Variants in CNOT1 observed in about 807,000 individuals in gnomAD.
CNOT1 encodes the protein CCR4-NOT transcription complex subunit 1, also known as CCR4-associated factor 1.
CNOT1 carries 15 observed loss-of-function variants against 273.8 expected under a neutral mutation model. The observed-to-expected ratio is 0.05, with a 90% CI of 0.04 to 0.08. CNOT1 has a LOEUF of 0.08. Among genes scored for constraint, CNOT1 ranks in the 10% least tolerant of loss-of-function variants. The pLI is 1.00. For missense variants in CNOT1, 1,644 were observed against 2,912.2 expected, an observed-to-expected ratio of 0.56 and a Z score of 10.02; for synonymous variants, 1,022 against 1,005.5, an observed-to-expected ratio of 1.02 and a Z score of -0.31.
At chr16:58,587,166 C>T in intron 6 of CNOT1, 35 bp downstream of exon 6, 1 of 1,604,776 alleles carries the variant, frequency 6.2e-7, no homozygotes, top group East Asian at 2.2e-5. Context: ...ATTTTAAAGT[C>T]TCACTTCGTG....
chr16:58,538,591 G>C (rs572999753), intron 36 of CNOT1, among the ~76,000 whole-genome samples, 181 bp downstream of exon 36: 7 of 152,250 alleles, frequency 4.6e-5, no homozygotes, highest in Admixed American at 4.6e-4. Flanking sequence ...CCAACATGGG[G>C]AGAAGGTAGA....
At chr16:58,546,063 C>G (rs946899612) in intron 29 of CNOT1, among the ~76,000 whole-genome samples, 1 of 152,096 alleles carries the variant, frequency 6.6e-6, no homozygotes, top group Non-Finnish European at 1.5e-5. Context: ...ATAACCTGGC[C>G]TAGCTGGGGT....
At chr16:58,529,235 A>G (rs955054652) in intron 43 of CNOT1, among the ~76,000 whole-genome samples, 3 of 152,188 alleles carry the variant, frequency 2.0e-5, no homozygotes, top group Non-Finnish European at 2.9e-5. Flanking sequence ...TGAGACACGC[A>G]AAGATTTCCT....
chr16:58,550,686 AACAGGATTTGGCTACAT>A (rs2040420090), intron 24 of CNOT1, among the ~76,000 whole-genome samples: 2 of 152,194 alleles, frequency 1.3e-5, no homozygotes, highest in African/African-American at 4.8e-5. Flanking sequence ...AAAAAGTTAT[AACAGGATTTGGCTACAT>A]ACAGGATTGG....
intron 38 of CNOT1, among the ~76,000 whole-genome samples, chr16:58,537,500 C>T (rs541419970): frequency 2.6e-5 from 4 of 152,302 alleles, no homozygotes; most frequent in African/African-American, 7.2e-5. Context: ...TCACTGTTTG[C>T]CTACTATGTA....
chr16:58,611,422 C>A (rs528631669), intron 1 of CNOT1, among the ~76,000 whole-genome samples: 106 of 151,692 alleles, frequency 7.0e-4, no homozygotes, highest in Non-Finnish European at 1.4e-3. Flanking sequence ...GAGCGAGACT[C>A]CATCTCCAAA....
intron 1 of CNOT1, among the ~76,000 whole-genome samples, chr16:58,604,983 A>C (rs1404267499): frequency 6.6e-6 from 1 of 150,632 alleles, no homozygotes; most frequent in Non-Finnish European, 1.5e-5. Flanking sequence ...AAAAATACAA[A>C]AAAGTAGCTG....
Position 58,558,435 on chromosome 16 carries a change from T to C in CNOT1, c.2332+38A>G, listed in dbSNP as rs144630045. On this transcript the variant is annotated intron_variant, in intron 18 of 48. Coordinates refer to ENST00000317147, the MANE Select transcript of CNOT1 (RefSeq NM_016284.5). ...ACACTAAGGCATAACTAAGGCAAAC[T>C]TATGAATAATCCATGCTCTCATTTG... 10 of 1,611,502 alleles carry C rather than the reference T, an allele frequency of 6.2e-6. No homozygotes were observed. In the African/African-American group the frequency reaches 1.2e-4, roughly 19 times the overall value.
intron 21 of CNOT1, among the ~76,000 whole-genome samples, chr16:58,554,770 T>C (rs2040573370): frequency 6.6e-6 from 1 of 151,586 alleles, no homozygotes; most frequent in Non-Finnish European, 1.5e-5. Flanking sequence ...ACCCTGTCTC[T>C]ACTAAAAATA....
intron 25 of CNOT1, chr16:58,548,489 C>T (rs377679537): frequency 4.1e-5 from 21 of 512,790 alleles, no homozygotes; most frequent in South Asian, 2.0e-4. Flanking sequence ...ATAATAAAAA[C>T]GAAATAGAGC....
At chr16:58,557,118 C>A in intron 18 of CNOT1, 125 bp from the exon 19 acceptor site, 4 of 1,292,048 alleles carry the variant, frequency 3.1e-6, no homozygotes, top group Non-Finnish European at 4.1e-6. Flanking sequence ...CTTTAAAAGT[C>A]AGAGTCTTTG....
intron 24 of CNOT1, 143 bp from the exon 25 acceptor site, chr16:58,550,041 G>C: frequency 7.7e-7 from 1 of 1,292,122 alleles, no homozygotes; most frequent in Non-Finnish European, 1.0e-6. Context: ...ACACCAGATA[G>C]ATGCTATGAA....
intron 1 of CNOT1, among the ~76,000 whole-genome samples, chr16:58,608,325 A>G (rs969536809): frequency 2.6e-5 from 4 of 152,094 alleles, no homozygotes; most frequent in Non-Finnish European, 4.4e-5. Context: ...GAGACCAAAG[A>G]AGGCAGATAA....
At chr16:58,523,160 G>A (rs1006058236) in intron 47 of CNOT1, 25 of 346,084 alleles carry the variant, frequency 7.2e-5, no homozygotes, top group African/African-American at 4.4e-4. Flanking sequence ...CACGAGAATC[G>A]CTTGAACCTG....
intron 16 of CNOT1, 115 bp downstream of exon 16, chr16:58,574,494 A>G: frequency 1.9e-6 from 2 of 1,027,072 alleles, no homozygotes; most frequent in Non-Finnish European, 2.7e-6. Flanking sequence ...TGGACTTAAA[A>G]CCATTGGACC....
Position 58,555,305 on chromosome 16 carries a change from A to G in CNOT1, c.2837T>C (p.Phe946Ser). ...RYVLEALRKP[F>S]GSKMYYFGIA... ...CCCGAAATAATACATTTTGGATCCA[A>G]AAGGCTTGCGTAAGGCTTCAAGAAC... Residue 946 changes from phenylalanine (F) to serine (S), a missense_variant, in exon 21 of 49, where the codon TTT becomes TCT. Around this residue, in one of 13 missense-constraint regions of CNOT1, gnomAD observed 74 missense variants for 184.6 expected, o/e 0.40. Coordinates refer to ENST00000317147, the MANE Select transcript of CNOT1 (RefSeq NM_016284.5). 6.2e-7 allele frequency: 1 copy of G among 1,614,154 alleles called. No homozygotes were observed. Among genetic ancestry groups the G allele is most frequent in the African/African-American group, 1.3e-5 (1 of 75,040 alleles).
At chr16:58,628,728 T>G (rs551014728) in intron 1 of CNOT1, among the ~76,000 whole-genome samples, 1 of 152,284 alleles carries the variant, frequency 6.6e-6, no homozygotes, top group South Asian at 2.1e-4. Flanking sequence ...AAATGTGACA[T>G]TTGATTAACT....
chr16:58,605,819 G>A (rs1239043636), intron 1 of CNOT1, among the ~76,000 whole-genome samples: 1 of 151,992 alleles, frequency 6.6e-6, no homozygotes, highest in Non-Finnish European at 1.5e-5. Context: ...CTGCCACACG[G>A]CTAATTTTTG....
At chr16:58,626,770 A>G (rs997253147) in intron 1 of CNOT1, among the ~76,000 whole-genome samples, 4 of 151,954 alleles carry the variant, frequency 2.6e-5, no homozygotes, top group African/African-American at 7.2e-5. Flanking sequence ...AAAAAAAAAA[A>G]GGCAGACTAC....
Sources: allele counts gnomAD v4.1 joint callset (sites outside exome capture counted in the v4.1 genomes callset), GRCh38; gene constraint gnomAD v4.1.1; regional missense constraint gnomAD v4.1.1; transcripts MANE v1.5; gene names NCBI Gene and HGNC (gene_info 2026-07-23, HGNC 2026-07-21).